The following UBE2K variants were observed in gnomAD, a reference collection of about 807,000 sequenced individuals.
UBE2K encodes ubiquitin conjugating enzyme E2 K.
Under a neutral mutation model 30.0 loss-of-function variants are expected in UBE2K, and 6 were observed. The observed-to-expected ratio is 0.20, with a 90% CI of 0.11 to 0.39. The LOEUF (loss-of-function observed/expected upper bound fraction) is 0.39, where lower values mean the gene tolerates loss of function less well. Among genes scored for constraint, UBE2K ranks in the 10% least tolerant of loss-of-function variants. The probability of loss-of-function intolerance (pLI) is 1.00; values close to 1 mark genes in which losing one functional copy is unlikely to be tolerated. For missense variants in UBE2K, 61 were observed against 241.6 expected, an observed-to-expected ratio of 0.25 and a Z score of 4.96; for synonymous variants, 86 against 83.7, an observed-to-expected ratio of 1.03 and a Z score of -0.15.
chr4:39,717,795 G>A (rs549775549), intron 1 of UBE2K, among the ~76,000 whole-genome samples: 85 of 152,060 alleles, frequency 5.6e-4, no homozygotes, highest in African/African-American at 1.8e-3. Context: ...GGTTGTGTTC[G>A]GAGTTTCTTC....
intron 4 of UBE2K, among the ~76,000 whole-genome samples, chr4:39,772,943 T>C (rs890109496): frequency 1.3e-5 from 2 of 151,624 alleles, no homozygotes; most frequent in African/African-American, 4.8e-5. Context: ...CGCCCTGGCC[T>C]CCCAAAGTGT....
intron 1 of UBE2K, chr4:39,714,007 A>C (rs1431590248): frequency 6.6e-6 from 1 of 152,010 alleles, no homozygotes; most frequent in Non-Finnish European, 1.5e-5. Context: ...TTCCCACCTC[A>C]TCCTTCCAAG....
chr4:39,752,306 G>A (rs1721298219), intron 3 of UBE2K, among the ~76,000 whole-genome samples: 2 of 142,226 alleles, frequency 1.4e-5, no homozygotes, highest in South Asian at 2.3e-4. Flanking sequence ...CATCACGCCT[G>A]GCTAATTTTT....
At chr4:39,770,748 C>T (rs927331805) in intron 4 of UBE2K, 161 of 1,583,238 alleles carry the variant, frequency 1.0e-4, no homozygotes, top group Non-Finnish European at 1.3e-4. Context: ...AATGCCCAGG[C>T]CCCCTCCCAG....
chr4:39,712,368 ATTTTTTTT>A (rs60301036), intron 1 of UBE2K, among the ~76,000 whole-genome samples: 2 of 53,634 alleles, frequency 3.7e-5, no homozygotes, highest in Non-Finnish European at 6.5e-5. Flanking sequence ...CGCCCGGCCA[ATTTTTTTT>A]TTTTTTTTTT....
intron 1 of UBE2K, among the ~76,000 whole-genome samples, chr4:39,727,853 C>T (rs1379537398): frequency 4.7e-5 from 7 of 150,432 alleles, no homozygotes; most frequent in Admixed American, 1.3e-4. Context: ...AGAAGTGAGC[C>T]GGGTGCAGTG....
chr4:39,765,908 T>TATATATAC (rs1553879994), intron 4 of UBE2K, among the ~76,000 whole-genome samples: 8 of 149,640 alleles, frequency 5.3e-5, no homozygotes, highest in East Asian at 2.0e-4. Context: ...AGGATATATA[T>TATATATAC]ATACATACAT....
At chr4:39,741,369 C>T (rs1720694840) in intron 2 of UBE2K, among the ~76,000 whole-genome samples, 1 of 152,058 alleles carries the variant, frequency 6.6e-6, no homozygotes, top group Admixed American at 6.6e-5. Flanking sequence ...GGTAGAGTAA[C>T]TTGAATTCTG....
chr4:39,726,437 T>G (rs766929123), intron 1 of UBE2K, among the ~76,000 whole-genome samples: 8 of 152,176 alleles, frequency 5.3e-5, no homozygotes, highest in African/African-American at 1.9e-4. Context: ...CCCAGGCTGG[T>G]CTTGAACTCC....
chr4:39,704,869 CTT>C (rs35972302), intron 1 of UBE2K, among the ~76,000 whole-genome samples: 104 of 121,298 alleles, frequency 8.6e-4, no homozygotes, highest in Admixed American at 1.8e-3. Context: ...GACTATACAC[CTT>C]TTTTTTTTTT....
chr4:39,702,261 T>TGAGACGGAG, intron 1 of UBE2K, among the ~76,000 whole-genome samples: 1 of 77,418 alleles, frequency 1.3e-5, no homozygotes, highest in African/African-American at 3.9e-5. Context: ...TTTTTTTTTT[T>TGAGACGGAG]TTTTTTTTTT....
intron 1 of UBE2K, among the ~76,000 whole-genome samples, chr4:39,726,636 C>A (rs1719768005): frequency 6.6e-6 from 1 of 152,144 alleles, no homozygotes; most frequent in African/African-American, 2.4e-5. Flanking sequence ...CTCACTGTCT[C>A]CCAGGCTGGA....
chr4:39,713,498 C>T (rs1018981878), intron 1 of UBE2K, among the ~76,000 whole-genome samples: 1 of 151,480 alleles, frequency 6.6e-6, no homozygotes. Context: ...ATGATATTGT[C>T]TATCTTACAT....
At chr4:39,759,161 ATAAT>A (rs1711701012) in intron 4 of UBE2K, among the ~76,000 whole-genome samples, 1 of 152,224 alleles carries the variant, frequency 6.6e-6, no homozygotes, top group African/African-American at 2.4e-5. Context: ...AATTACATAA[ATAAT>A]TTTCAGCAGG....
intron 4 of UBE2K, among the ~76,000 whole-genome samples, chr4:39,761,632 C>T (rs902110020): frequency 6.6e-5 from 10 of 151,960 alleles, no homozygotes; most frequent in Non-Finnish European, 1.2e-4. Flanking sequence ...TTTCATATTC[C>T]TGTTTGCCTG....
intron 1 of UBE2K, among the ~76,000 whole-genome samples, chr4:39,711,873 C>T (rs574808933): frequency 5.5e-4 from 84 of 151,682 alleles, no homozygotes; most frequent in African/African-American, 2.0e-3. Flanking sequence ...CCTCGTCTCT[C>T]TACTAAAAAT....
intron 1 of UBE2K, among the ~76,000 whole-genome samples, chr4:39,715,620 T>A (rs186394252): frequency 6.6e-6 from 1 of 152,308 alleles, no homozygotes; most frequent in Non-Finnish European, 1.5e-5. Flanking sequence ...CTGTTTAATT[T>A]TAAAGTAGTC....
chr4:39,742,335 G>GT (rs5857698), intron 2 of UBE2K, among the ~76,000 whole-genome samples: 19,525 of 149,624 alleles, frequency 0.13, 1,348 homozygotes, highest in East Asian at 0.22. Context: ...TTACCTGTCA[G>GT]TTTTTTTTTT....
In UBE2K at chr4:39,698,404, T is replaced by C. The variant is rs1717811822; in HGVS notation, c.63+14T>C. 1 of 1,605,282 alleles carries C rather than the reference T, an allele frequency of 6.2e-7. No homozygotes were observed. Among genetic ancestry groups the C allele is most frequent in the East Asian group, 2.2e-5 (1 of 44,568 alleles). On this transcript the variant is annotated intron_variant, in intron 1 of 6. Coordinates refer to ENST00000261427, the MANE Select transcript of UBE2K (RefSeq NM_005339.5). ...AAGAGCGAGGAGGTCAGAAATGAAC[T>C]CCCGGATATCCCCCACCTCTGCCTG...
Sources: allele counts gnomAD v4.1 joint callset (sites outside exome capture counted in the v4.1 genomes callset), GRCh38; gene constraint gnomAD v4.1.1; transcripts MANE v1.5; gene names NCBI Gene and HGNC (gene_info 2026-07-23, HGNC 2026-07-21).